Variants in WARS1 observed in about 807,000 individuals in gnomAD.
WARS1 encodes the protein tryptophan--tRNA ligase, cytoplasmic.
WARS1 carries 17 observed loss-of-function variants against 47.8 expected under a neutral mutation model. The ratio of observed to expected loss-of-function variants is 0.36; its 90% confidence interval spans 0.24 to 0.53. WARS1 has a LOEUF of 0.53. Among genes scored for constraint, WARS1 ranks in the 20% least tolerant of loss-of-function variants. WARS1 has a pLI of 0.91. For synonymous variants in WARS1, 208 were observed against 228.1 expected, an observed-to-expected ratio of 0.91 and a Z score of 0.79; for missense variants, 434 against 608.0, an observed-to-expected ratio of 0.71 and a Z score of 3.01.
chr14:100,346,819 C>A lies in WARS1; in HGVS notation c.753G>T (p.Val251=). 6.2e-7 allele frequency: 1 copy of A among 1,613,896 alleles called. No individual in the cohort carries two copies. Among genetic ancestry groups the A allele is most frequent in the Non-Finnish European group, 8.5e-7 (1 of 1,179,866 alleles). ...AGGTAACATGCTTTTGAATCTTCAC[C>A]ACATTTTTGTAGAAACCTGAGCTCA... The part of the protein sequence containing the change: ...MGMSSGFYKN[V]VKIQKHVTFN... Residue 251 remains valine, a synonymous_variant, in exon 7 of 11, where the codon GTG becomes GTT. Transcript: ENST00000392882.
intron 2 of WARS1, among the ~76,000 whole-genome samples, chr14:100,364,487 C>G (rs915626031): frequency 6.6e-6 from 1 of 152,214 alleles, no homozygotes; most frequent in Admixed American, 6.5e-5. Flanking sequence ...GTGGCTCACA[C>G]TATTTTGCTA....
intron 5 of WARS1, chr14:100,354,191 G>A (rs1252238235): frequency 1.9e-6 from 1 of 522,666 alleles, no homozygotes; most frequent in African/African-American, 1.9e-5. Flanking sequence ...GCAGGCCCAT[G>A]GCCATGCAGA....
intron 4 of WARS1, among the ~76,000 whole-genome samples, chr14:100,360,076 T>C (rs960976866): frequency 6.6e-6 from 1 of 152,212 alleles, no homozygotes; most frequent in Non-Finnish European, 1.5e-5. Context: ...GTTATCTGCG[T>C]GGAATTTACG....
At chr14:100,375,993 CCT>C (rs1896637166), upstream of WARS1, 1 of 153,096 alleles carries the variant, frequency 6.5e-6, no homozygotes, top group African/African-American at 2.4e-5. Flanking sequence ...AAAATGGGGG[CCT>C]CTCTCCTCGG....
chr14:100,361,799 G>T lies in WARS1; in HGVS notation c.222C>A (p.Gly74=). ...PGNPAPTSNH[G]PDATEAEEDF... ...CCTCTTCAGCTTCTGTGGCATCTGG[G>T]CCATGATTACTGGTAGGTGCTGGGT... The change falls in exon 3 of 11, where the codon GGC becomes GGA. Residue 74 remains glycine, a synonymous_variant. Coordinates refer to ENST00000392882, the MANE Select transcript of WARS1 (RefSeq NM_004184.4). 1 of 1,614,140 alleles carries T rather than the reference G, an allele frequency of 6.2e-7. No homozygotes were observed. Among genetic ancestry groups the T allele is most frequent in the Non-Finnish European group, 8.5e-7 (1 of 1,180,030 alleles).
chr14:100,334,153 T>G lies in WARS1; in HGVS notation c.*722A>C, dbSNP rs1460355000. The stretch of plus-strand genomic sequence containing the variant: ...TGCAGGACAGAGGGTCTAGGGTCAT[T>G]TGGCAGGAGAACACTGGTGTGCCAA... On this transcript the variant is annotated 3_prime_UTR_variant, in exon 11 of 11. Coordinates refer to ENST00000392882, the MANE Select transcript of WARS1 (RefSeq NM_004184.4). The G allele has an allele frequency of 6.6e-6, 1 of 152,630 alleles. No homozygotes were observed. The highest frequency in any genetic ancestry group is 1.5e-5 in the Non-Finnish European group (1 of 68,038). 9.5% of individuals were successfully genotyped at this position (152,630 alleles called of 1,614,324 possible). A position where few individuals can be genotyped will look rare whatever the true frequency, so the allele number is the denominator to read the frequency against.
At chr14:100,360,380 C>T in intron 4 of WARS1, 174 bp downstream of exon 4, 1 of 438,104 alleles carries the variant, frequency 2.3e-6, no homozygotes, top group East Asian at 3.3e-5. Flanking sequence ...GGGTGATGGA[C>T]AAGCATGATC....
chr14:100,372,114 C>T (rs1208225853), intron 1 of WARS1, among the ~76,000 whole-genome samples: 1 of 152,138 alleles, frequency 6.6e-6, no homozygotes, highest in Non-Finnish European at 1.5e-5. Flanking sequence ...TATAACTTTC[C>T]TTTACCTACC....
chr14:100,353,810 T>C lies in WARS1; in HGVS notation c.602A>G (p.Tyr201Cys), dbSNP rs1248625678. The change falls in exon 6 of 11, where the codon TAT becomes TGT. Residue 201 changes from tyrosine (Y) to cysteine (C), a missense_variant. Physicochemically the swap from Tyr to Cys is radical, Grantham distance 194. Transcript: ENST00000392882. ...GTCCAGGGTCAGGTCCTTCCACAGA[T>C]ACTTCTCGTCATCCGTCATCTGGAT... ...LVIQMTDDEK[Y>C]LWKDLTLDQA... The C allele has an allele frequency of 6.8e-6, 11 of 1,614,006 alleles. No homozygotes were observed. The highest frequency in any genetic ancestry group is 3.3e-4 in the Middle Eastern group (2 of 6,084).
intron 1 of WARS1, among the ~76,000 whole-genome samples, chr14:100,374,580 G>C (rs1896532997): frequency 6.6e-6 from 1 of 152,208 alleles, no homozygotes; most frequent in African/African-American, 2.4e-5. Flanking sequence ...ATAAAGACTT[G>C]GGTTGCATCA....
At chr14:100,366,600 C>T in intron 2 of WARS1, 1 of 720,396 alleles carries the variant, frequency 1.4e-6, no homozygotes, top group Non-Finnish European at 2.6e-6. Context: ...AGTTGAGTGT[C>T]CTGAGAGGTC....
Position 100,335,010 on chromosome 14 carries a change from G to T in WARS1, c.1281C>A (p.Thr427=). ...CTATGAGTGCCTTCTTGAGCTCACC[G>T]GTGAGCATGGCTCCGCTGGTGTAAT... ...RKDYTSGAML[T]GELKKALIEV... The change falls in exon 11 of 11, where the codon ACC becomes ACA. Residue 427 remains threonine, a synonymous_variant. Coordinates refer to ENST00000392882, the MANE Select transcript of WARS1 (RefSeq NM_004184.4). 1 of 1,614,010 alleles carries T rather than the reference G, an allele frequency of 6.2e-7. No homozygotes were observed.
At chr14:100,372,357 A>C (rs998350311) in intron 1 of WARS1, among the ~76,000 whole-genome samples, 8 of 152,224 alleles carry the variant, frequency 5.3e-5, no homozygotes, top group Non-Finnish European at 1.2e-4. Context: ...AAAAGTATGT[A>C]AATCAAAACT....
chr14:100,342,949 A>G (rs1156613834), intron 8 of WARS1, among the ~76,000 whole-genome samples: 1 of 151,662 alleles, frequency 6.6e-6, no homozygotes, highest in African/African-American at 2.4e-5. Flanking sequence ...CCCAGGCTAG[A>G]GTGCAGTGAT....
intron 4 of WARS1, among the ~76,000 whole-genome samples, chr14:100,358,173 C>T (rs1260778521): frequency 6.6e-6 from 1 of 152,104 alleles, no homozygotes; most frequent in Non-Finnish European, 1.5e-5. Context: ...CTCACTGCCA[C>T]CCAGGCTGGA....
At chr14:100,350,993 A>G (rs1045597461) in intron 6 of WARS1, among the ~76,000 whole-genome samples, 1 of 152,208 alleles carries the variant, frequency 6.6e-6, no homozygotes, top group South Asian at 2.1e-4. Context: ...ACAAAGGAGA[A>G]GGATGTGGAA....
At chr14:100,339,103 T>TCA (rs528163285) in intron 9 of WARS1, among the ~76,000 whole-genome samples, 14,559 of 145,272 alleles carry the variant, frequency 0.1, 1,627 homozygotes, top group African/African-American at 0.28. Flanking sequence ...TGAAACTCCA[T>TCA]CACACACACA....
chr14:100,358,132 C>A (rs904543166), intron 4 of WARS1, among the ~76,000 whole-genome samples: 2 of 152,116 alleles, frequency 1.3e-5, no homozygotes, highest in African/African-American at 4.8e-5. Flanking sequence ...TTTGAGTACT[C>A]ACATTTTCTT....
chr14:100,348,286 G>A (rs963854574), intron 6 of WARS1, among the ~76,000 whole-genome samples: 1 of 152,208 alleles, frequency 6.6e-6, no homozygotes, highest in Non-Finnish European at 1.5e-5. Context: ...TGTCAGGAGT[G>A]CAGGAACACT....
Sources: gnomAD v4.1 joint callset for allele counts (sites outside exome capture counted in the v4.1 genomes callset) on GRCh38, gnomAD v4.1.1 for gene constraint, MANE v1.5 for transcripts, NCBI Gene and HGNC (gene_info 2026-07-23, HGNC 2026-07-21) for gene names.